Variants in TIMM44 observed in about 807,000 individuals in gnomAD.
The protein encoded by TIMM44 is mitochondrial import inner membrane translocase subunit TIM44.
In TIMM44, 37 loss-of-function variants were observed where a neutral mutation model predicts 63.8. That is an observed-to-expected ratio of 0.58 (90% CI 0.45 to 0.76). TIMM44 has a LOEUF of 0.76. TIMM44 is among the 30% of genes least tolerant of loss of function. The pLI, the probability that TIMM44 is intolerant of heterozygous loss-of-function variation, is 0.00. For missense variants in TIMM44, 573 were observed against 603.8 expected, an observed-to-expected ratio of 0.95 and a Z score of 0.54; for synonymous variants, 239 against 245.1, an observed-to-expected ratio of 0.98 and a Z score of 0.23.
At chr19:7,936,261 G>A (rs1339720556) in intron 3 of TIMM44, among the ~76,000 whole-genome samples, 1 of 152,168 alleles carries the variant, frequency 6.6e-6, no homozygotes, top group East Asian at 1.9e-4. Context: ...CACCAGCCTG[G>A]CCAAAGTGAT....
intron 1 of TIMM44, among the ~76,000 whole-genome samples, chr19:7,941,452 T>C (rs1280320656): frequency 6.6e-6 from 1 of 151,956 alleles, no homozygotes; most frequent in Non-Finnish European, 1.5e-5. Flanking sequence ...CACATCCGGC[T>C]AATATTTGTA....
chr19:7,938,339 T>A, intron 2 of TIMM44, 142 bp from the exon 3 acceptor site: 2 of 658,800 alleles, frequency 3.0e-6, no homozygotes, highest in Non-Finnish European at 5.1e-6. Flanking sequence ...ATCTCTTTTA[T>A]AATAATCATA....
At chr19:7,938,234 A>G (rs1984211624) in intron 2 of TIMM44, 37 bp from the exon 3 acceptor site, 2 of 1,548,632 alleles carry the variant, frequency 1.3e-6, no homozygotes, top group East Asian at 2.3e-5. Flanking sequence ...TTTAAAGAAC[A>G]TAGTAGAACA....
chr19:7,942,360 C>T (rs1177632515), intron 1 of TIMM44, among the ~76,000 whole-genome samples: 7 of 151,756 alleles, frequency 4.6e-5, no homozygotes, highest in East Asian at 1.9e-4. Flanking sequence ...GAGGCTGAGG[C>T]GGAAGGATCG....
chr19:7,942,919 T>C (rs1984350242), intron 1 of TIMM44, among the ~76,000 whole-genome samples: 1 of 148,066 alleles, frequency 6.8e-6, no homozygotes, highest in Non-Finnish European at 1.5e-5. Context: ...CCTCAGGTGA[T>C]CCACCTGAGG....
At chr19:7,941,258 A>G (rs1984303161) in intron 1 of TIMM44, 61 bp from the exon 2 acceptor site, 1 of 1,334,398 alleles carries the variant, frequency 7.5e-7, no homozygotes, top group Non-Finnish European at 1.1e-6. Flanking sequence ...AGAAGTAAGC[A>G]GACCACACAC....
chr19:7,930,071 ACTC>A (rs1353239207), intron 10 of TIMM44, among the ~76,000 whole-genome samples: 5 of 150,148 alleles, frequency 3.3e-5, no homozygotes, highest in Admixed American at 1.3e-4. Flanking sequence ...CTGGTCTCGA[ACTC>A]CTGACCTCAG....
At chr19:7,928,335 GCC>G (rs996937127) in intron 10 of TIMM44, 169 bp from the exon 11 acceptor site, 12 of 611,608 alleles carry the variant, frequency 2.0e-5, no homozygotes, top group Non-Finnish European at 3.5e-5. Context: ...CCACTTACTG[GCC>G]CAGATCACAC....
In TIMM44 at chr19:7,927,155, C is replaced by T. The variant is rs201553132; in HGVS notation, c.*32G>A. On this transcript the variant is annotated 3_prime_UTR_variant, in exon 13 of 13. Transcript: ENST00000270538. ...TGCGGTGCCTCTGTGCCTGATGACC[C>T]AGGCCGGGGCTACCTGGCTCCGGCA... 8 of 1,590,986 alleles carry T rather than the reference C, an allele frequency of 5.0e-6. No individual in the cohort carries two copies. The highest frequency in any genetic ancestry group is 1.7e-5 in the Admixed American group (1 of 57,888).
At chr19:7,927,983 C>A in intron 11 of TIMM44, 94 bp downstream of exon 11, 1 of 1,294,158 alleles carries the variant, frequency 7.7e-7, no homozygotes, top group Non-Finnish European at 1.1e-6. Flanking sequence ...CAGCCCATGG[C>A]CCCCAGCCCC....
chr19:7,933,262 C>T lies in TIMM44; in HGVS notation c.769+223G>A, dbSNP rs980308963. ...GGACAAGGGACAGGGGCCTGCGGCT[C>T]GTTTCGGGGCCCTGACTGTGCTTAT... On this transcript the variant is annotated intron_variant, in intron 7 of 12. Transcript: ENST00000270538. The surrounding 1 kb of genome is among the most constrained non-coding windows in gnomAD (Gnocchi z 4.3). Among the ~76,000 whole-genome samples, 5 of 152,162 alleles carry T rather than the reference C, an allele frequency of 3.3e-5. No homozygotes were observed. The highest frequency in any genetic ancestry group is 6.5e-5 in the Admixed American group (1 of 15,286).
rs186443724 is a variant in TIMM44, at chr19:7,943,575, G to C, written c.45+32C>G. On this transcript the variant is annotated intron_variant, in intron 1 of 12. Coordinates refer to ENST00000270538, the MANE Select transcript of TIMM44 (RefSeq NM_006351.4). The surrounding 1 kb of genome is among the most constrained non-coding windows in gnomAD (Gnocchi z 4.3). ...GGCCGAAGGCCCAGAAGACCCCTAA[G>C]CTCGCCCTGCCAGCGCCGCACCGCC... 593 of 1,562,948 alleles carry C rather than the reference G, an allele frequency of 3.8e-4. 3 individuals carry two copies. The African/African-American group carries it at 6.6e-3, about 17-fold the overall frequency.
intron 9 of TIMM44, 162 bp downstream of exon 9, chr19:7,932,465 G>A (rs1023481593): frequency 6.1e-6 from 6 of 977,646 alleles, no homozygotes; most frequent in African/African-American, 4.8e-5. Flanking sequence ...ACAGCTCATG[G>A]GGCAGCTGCA....
At chr19:7,930,967 G>A (rs1983961848) in intron 10 of TIMM44, among the ~76,000 whole-genome samples, 171 bp downstream of exon 10, 1 of 152,018 alleles carries the variant, frequency 6.6e-6, no homozygotes, top group Non-Finnish European at 1.5e-5. Flanking sequence ...GAATGGAAAG[G>A]GGCAGGGGGG....
chr19:7,935,114 C>T lies in TIMM44; in HGVS notation c.344G>A (p.Ser115Asn). The change falls in exon 4 of 13, where the codon AGC becomes AAC. Residue 115 changes from serine to asparagine, a missense_variant. Coordinates refer to ENST00000270538, the MANE Select transcript of TIMM44 (RefSeq NM_006351.4). ...KTIESETVRTSEVLRKKLGEL... is the reference protein window; with the variant it reads ...KTIESETVRTNEVLRKKLGEL... Reference sequence around the variant, plus strand: ...CCCAAGCTTCTTCCGTAGCACCTCGCTCGTCCGCACGGTTTCTGACTCGAT... The same window carrying T: ...CCCAAGCTTCTTCCGTAGCACCTCGTTCGTCCGCACGGTTTCTGACTCGAT... 6.2e-7 allele frequency: 1 copy of T among 1,613,594 alleles called. No homozygotes were observed. The highest frequency in any genetic ancestry group is 1.1e-5 in the South Asian group (1 of 91,052).
intron 1 of TIMM44, among the ~76,000 whole-genome samples, chr19:7,941,687 T>G (rs1984316255): frequency 6.6e-6 from 1 of 151,746 alleles, no homozygotes; most frequent in South Asian, 2.1e-4. Context: ...AAAGAGAAAA[T>G]GCTGTGTCTG....
rs1404732083 is a variant in TIMM44, at chr19:7,928,108, T to C, written c.1097A>G (p.His366Arg). The C allele has an allele frequency of 6.2e-7, 1 of 1,614,060 alleles. No individual in the cohort carries two copies. The highest frequency in any genetic ancestry group is 1.1e-5 in the South Asian group (1 of 91,076). The change falls in exon 11 of 13, where the codon CAT (histidine) becomes CGT (arginine). Residue 366 changes from histidine to arginine, a missense_variant. Transcript: ENST00000270538. ...QQAKALGLQF[H>R]SRILDIDNVD... ...GTTGTCAATGTCTAGGATGCGAGAA[T>C]GGAACTGGAGACCCAGTGCCTTGGC...
intron 3 of TIMM44, among the ~76,000 whole-genome samples, chr19:7,935,998 A>T (rs1012927825): frequency 1.3e-5 from 2 of 152,122 alleles, no homozygotes; most frequent in African/African-American, 2.4e-5. Context: ...CTAGAAATAT[A>T]AAAAAATTAG....
At chr19:7,928,432 C>CA (rs1299929149) in intron 10 of TIMM44, 3 of 505,242 alleles carry the variant, frequency 5.9e-6, no homozygotes, top group African/African-American at 5.8e-5. Context: ...TCTCTTGGAA[C>CA]AAAATCCCAA....
Sources: allele counts gnomAD v4.1 joint callset (sites outside exome capture counted in the v4.1 genomes callset), GRCh38; gene constraint gnomAD v4.1.1; non-coding constraint Gnocchi (gnomAD v3.1); transcripts MANE v1.5; gene names NCBI Gene and HGNC (gene_info 2026-07-23, HGNC 2026-07-21).